Variants in DPP10 observed in about 807,000 individuals in gnomAD.
DPP10 encodes the protein inactive dipeptidyl peptidase 10.
DPP10 carries 33 observed loss-of-function variants against 120.9 expected under a neutral mutation model. That is an observed-to-expected ratio of 0.27 (90% CI 0.21 to 0.37). DPP10 has a LOEUF of 0.37. DPP10 is among the 10% of genes least tolerant of loss of function. DPP10 has a pLI of 1.00. For synonymous variants in DPP10, 337 were observed against 326.1 expected, an observed-to-expected ratio of 1.03 and a Z score of -0.36; for missense variants, 816 against 942.8, an observed-to-expected ratio of 0.87 and a Z score of 1.76.
chr2:114,488,124 A>G (rs1681667590), intron 1 of DPP10, among the ~76,000 whole-genome samples: 1 of 152,218 alleles, frequency 6.6e-6, no homozygotes. Context: ...TAATTGCAAA[A>G]ATGGCTTTAA....
At chr2:115,670,384 A>G (rs1172647996) in intron 5 of DPP10, among the ~76,000 whole-genome samples, 1 of 152,110 alleles carries the variant, frequency 6.6e-6, no homozygotes, top group Non-Finnish European at 1.5e-5. Flanking sequence ...TCATTTTCTC[A>G]TCCTTTTCTA....
intron 5 of DPP10, among the ~76,000 whole-genome samples, chr2:115,670,175 A>T (rs944835838): frequency 3.3e-5 from 5 of 152,088 alleles, no homozygotes; most frequent in Non-Finnish European, 5.9e-5. Flanking sequence ...TCCCATCATA[A>T]GGGCTTCCAG....
At chr2:115,630,492 A>G (rs1245421913) in intron 5 of DPP10, among the ~76,000 whole-genome samples, 1 of 152,158 alleles carries the variant, frequency 6.6e-6, no homozygotes. Flanking sequence ...CTGATTTGCA[A>G]GAGGAGTGTT....
intron 2 of DPP10, among the ~76,000 whole-genome samples, chr2:115,331,765 G>A (rs868867480): frequency 6.6e-6 from 1 of 152,142 alleles, no homozygotes; most frequent in Non-Finnish European, 1.5e-5. Context: ...GCATCCTAGG[G>A]ATGAAGCCCA....
At chr2:114,843,169 C>G (rs532262951) in intron 1 of DPP10, among the ~76,000 whole-genome samples, 116 of 152,164 alleles carry the variant, frequency 7.6e-4, no homozygotes, top group Middle Eastern at 6.8e-3. Flanking sequence ...TTGAACCCCC[C>G]AAGATGAGAA....
intron 3 of DPP10, among the ~76,000 whole-genome samples, chr2:115,415,749 A>G (rs1161891704): frequency 6.6e-6 from 1 of 150,552 alleles, no homozygotes; most frequent in African/African-American, 2.4e-5. Flanking sequence ...GAATTTACAT[A>G]TGTATATGTA....
intron 1 of DPP10, among the ~76,000 whole-genome samples, chr2:115,183,519 C>G (rs573607264): frequency 6.6e-6 from 1 of 152,250 alleles, no homozygotes; most frequent in Non-Finnish European, 1.5e-5. Context: ...TTTGAATCAT[C>G]AGTGAAGAGT....
chr2:114,726,345 C>T (rs924660540), intron 1 of DPP10, among the ~76,000 whole-genome samples: 1 of 152,060 alleles, frequency 6.6e-6, no homozygotes, highest in Admixed American at 6.6e-5. Context: ...TCCAGTGCCT[C>T]ACTCCCCAAG....
intron 1 of DPP10, among the ~76,000 whole-genome samples, chr2:115,167,970 A>G (rs1326913393): frequency 2.0e-5 from 3 of 152,162 alleles, no homozygotes; most frequent in South Asian, 4.1e-4. Context: ...TCCCAAGGTA[A>G]TCAGCATGAG....
At chr2:115,045,384 ATC>A (rs1355223786) in intron 1 of DPP10, among the ~76,000 whole-genome samples, 1 of 152,128 alleles carries the variant, frequency 6.6e-6, no homozygotes, top group Non-Finnish European at 1.5e-5. Context: ...CTTATTAAAT[ATC>A]TTGAGGTAAT....
At chr2:115,757,727 G>A (rs1679602961) in intron 11 of DPP10, among the ~76,000 whole-genome samples, 1 of 151,928 alleles carries the variant, frequency 6.6e-6, no homozygotes, top group South Asian at 2.1e-4. Context: ...GAGATCAAAT[G>A]AGGTTAATCC....
chr2:115,130,153 C>T (rs1032553351), intron 1 of DPP10, among the ~76,000 whole-genome samples: 2 of 152,168 alleles, frequency 1.3e-5, no homozygotes, highest in Admixed American at 6.5e-5. Flanking sequence ...CTATAGTTAG[C>T]TAGCTCAGAT....
chr2:114,457,646 C>T (rs765394810), intron 1 of DPP10, among the ~76,000 whole-genome samples: 38 of 152,070 alleles, frequency 2.5e-4, no homozygotes, highest in African/African-American at 9.2e-4. Context: ...GTAGTCTGCC[C>T]CCAAATCACA....
chr2:115,743,029 G>A (rs1319245411), intron 9 of DPP10, among the ~76,000 whole-genome samples: 1 of 151,312 alleles, frequency 6.6e-6, no homozygotes, highest in Non-Finnish European at 1.5e-5. Context: ...CTTGTTTAAT[G>A]ACAATCTAGT....
chr2:114,488,089 A>G (rs1482682344), intron 1 of DPP10, among the ~76,000 whole-genome samples: 1 of 152,222 alleles, frequency 6.6e-6, no homozygotes, highest in African/African-American at 2.4e-5. Flanking sequence ...GTTCGAATGT[A>G]ATTTCAACTA....
intron 1 of DPP10, among the ~76,000 whole-genome samples, chr2:115,085,715 T>G (rs1316002960): frequency 6.6e-6 from 1 of 152,208 alleles, no homozygotes; most frequent in Non-Finnish European, 1.5e-5. Flanking sequence ...CTCAGCCTTT[T>G]TAGCCCAGTC....
chr2:114,559,472 T>C (rs1229561035), intron 1 of DPP10, among the ~76,000 whole-genome samples: 1 of 152,214 alleles, frequency 6.6e-6, no homozygotes, highest in East Asian at 1.9e-4. Flanking sequence ...GAAATCCATT[T>C]TGGACTTCTG....
chr2:114,477,125 A>G (rs928154892), intron 1 of DPP10, among the ~76,000 whole-genome samples: 5 of 151,840 alleles, frequency 3.3e-5, no homozygotes, highest in Non-Finnish European at 7.4e-5. Flanking sequence ...ACACTGGCTA[A>G]TTTTTGTATT....
At chr2:114,801,890 A>G (rs995985788) in intron 1 of DPP10, among the ~76,000 whole-genome samples, 8 of 152,202 alleles carry the variant, frequency 5.3e-5, no homozygotes, top group Non-Finnish European at 1.0e-4. Flanking sequence ...AGACTGAAAT[A>G]TTAATAATGG....
Sources: gnomAD v4.1 joint callset for allele counts (sites outside exome capture counted in the v4.1 genomes callset) on GRCh38, gnomAD v4.1.1 for gene constraint, MANE v1.5 for transcripts, NCBI Gene and HGNC (gene_info 2026-07-23, HGNC 2026-07-21) for gene names.